Variants in RBFOX1 observed in about 807,000 individuals in gnomAD.
The protein encoded by RBFOX1 is RNA binding protein fox-1 homolog 1.
A neutral mutation model predicts 57.7 loss-of-function variants in RBFOX1; 8 were observed. That is an observed-to-expected ratio of 0.14 (90% CI 0.08 to 0.25). The LOEUF (loss-of-function observed/expected upper bound fraction) is 0.25, where lower values mean the gene tolerates loss of function less well. Ranked by LOEUF, RBFOX1 falls within the 10% of genes least tolerant of loss-of-function variation. The pLI is 1.00. For missense variants in RBFOX1, 611 were observed against 548.5 expected (o/e 1.11, Z -1.14); for synonymous variants, 326 against 222.4 (o/e 1.47, Z -4.15).
intron 4 of RBFOX1, among the ~76,000 whole-genome samples, chr16:7,153,268 T>A (rs540604862): frequency 6.6e-6 from 1 of 152,176 alleles, no homozygotes; most frequent in Non-Finnish European, 1.5e-5. Flanking sequence ...CCTGGAGGCA[T>A]GGGTCAGAAT....
At chr16:7,552,647 C>G (rs1007607589) in intron 5 of RBFOX1, among the ~76,000 whole-genome samples, 4 of 152,074 alleles carry the variant, frequency 2.6e-5, no homozygotes, top group Non-Finnish European at 5.9e-5. Context: ...TTTCCGACAC[C>G]CATTCTTTGT....
chr16:6,906,572 C>T lies in RBFOX1; in HGVS notation c.-15-145485C>T, dbSNP rs181821524. On this transcript the variant is annotated intron_variant, in intron 3 of 15. Transcript: ENST00000550418. The stretch of plus-strand genomic sequence containing the variant: ...GTTTTGTTCTTTGTCAAGTTAAAAA[C>T]AAGGGGTACATCAGTAGTGTTTCCA... Among the ~76,000 whole-genome samples, 141 of 152,174 alleles carry T rather than the reference C, an allele frequency of 9.3e-4. 1 individual carries two copies. Among genetic ancestry groups the T allele is most frequent in the Admixed American group, 3.5e-3 (53 of 15,284 alleles).
At chr16:7,527,537 G>A (rs987349470) in intron 5 of RBFOX1, among the ~76,000 whole-genome samples, 10 of 152,116 alleles carry the variant, frequency 6.6e-5, no homozygotes, top group East Asian at 1.9e-4. Context: ...AAAAAATGGC[G>A]TTGGTTAAAT....
rs13336042 is a variant in RBFOX1 at position 6,290,789 on chromosome 16, T to G, written c.-126-26206T>G. On this transcript the variant is annotated intron_variant, in intron 1 of 15. Transcript: ENST00000550418. ...ACTTTAAAATACATAAGAAACTAAGTAAGTTCTTCTTGATACCAGAAAGGG... is the reference window on the plus strand; with the variant it reads ...ACTTTAAAATACATAAGAAACTAAGGAAGTTCTTCTTGATACCAGAAAGGG... Among the ~76,000 whole-genome samples, 1,222 of 152,286 alleles carry G rather than the reference T, an allele frequency of 8.0e-3. 24 individuals carry two copies. The highest frequency in any genetic ancestry group is 0.028 in the African/African-American group (1,170 of 41,552).
chr16:6,028,236 G>T (rs1691856886), intron 1 of RBFOX1, among the ~76,000 whole-genome samples: 1 of 152,146 alleles, frequency 6.6e-6, no homozygotes, highest in Non-Finnish European at 1.5e-5. Context: ...GGTTGCTGTT[G>T]ATTGCAAAGG....
chr16:6,980,258 CTG>C (rs2088366511), intron 3 of RBFOX1, among the ~76,000 whole-genome samples: 1 of 152,130 alleles, frequency 6.6e-6, no homozygotes, highest in South Asian at 2.1e-4. Flanking sequence ...TACAAATGTG[CTG>C]TGTCAGGTGT....
Position 7,035,859 on chromosome 16 carries a change from C to G in RBFOX1, c.-15-16198C>G, listed in dbSNP as rs544371891. Among the ~76,000 whole-genome samples, 345 of 151,914 alleles carry G rather than the reference C, an allele frequency of 2.3e-3. 2 individuals carry two copies. Among genetic ancestry groups the G allele is most frequent in the African/African-American group, 8.0e-3 (331 of 41,466 alleles). ...GTCTTCCAGCACTCCTTCCATTAAG[C>G]TTTCCAGGAAGAATGTGAACACAGA... On this transcript the variant is annotated intron_variant, in intron 3 of 15. Coordinates refer to ENST00000550418, the MANE Select transcript of RBFOX1 (RefSeq NM_018723.4).
At chr16:5,428,560 G>A (rs759435175) in intron 1 of RBFOX1, among the ~76,000 whole-genome samples, 6 of 152,138 alleles carry the variant, frequency 3.9e-5, no homozygotes, top group Non-Finnish European at 8.8e-5. Flanking sequence ...TGAGCACCAC[G>A]GAGACAAACA....
intron 4 of RBFOX1, among the ~76,000 whole-genome samples, chr16:7,302,702 C>G (rs1410425293): frequency 6.7e-6 from 1 of 148,560 alleles, no homozygotes; most frequent in Non-Finnish European, 1.5e-5. Flanking sequence ...GCTACTCTTC[C>G]TGATCACGAT....
intron 1 of RBFOX1, among the ~76,000 whole-genome samples, chr16:6,257,419 C>CT (rs1463312843): frequency 1.1e-3 from 160 of 150,650 alleles, no homozygotes; most frequent in Admixed American, 1.8e-3. Flanking sequence ...ATTTCTTCTT[C>CT]TTCTTTTTTT....
chr16:6,092,497 A>G (rs567620072), intron 1 of RBFOX1: 161 of 152,340 alleles, frequency 1.1e-3, no homozygotes, highest in African/African-American at 3.8e-3. Flanking sequence ...AGACATCTTC[A>G]CGTGCTTCGT....
At chr16:6,821,407 C>T (rs2091276042) in intron 3 of RBFOX1, among the ~76,000 whole-genome samples, 1 of 152,182 alleles carries the variant, frequency 6.6e-6, no homozygotes, top group African/African-American at 2.4e-5. Flanking sequence ...GTGTATTCCA[C>T]ATAACTGATA....
chr16:5,859,731 T>A (rs954900354), intron 3 of RBFOX1, among the ~76,000 whole-genome samples: 10 of 152,232 alleles, frequency 6.6e-5, no homozygotes, highest in African/African-American at 2.4e-4. Flanking sequence ...AAATGCTATT[T>A]CCATTTTACA....
In RBFOX1 at chr16:7,080,757, C is replaced by G. The variant is rs553277291; in HGVS notation, c.27+28659C>G. ...AATAGTTCAACCCTCTCCATCTCTC[C>G]TCTTGCAAGGTATCATCATCATTCA... On this transcript the variant is annotated intron_variant, in intron 4 of 15. Transcript: ENST00000550418. 5.9e-5 allele frequency among the ~76,000 whole-genome samples: 9 copies of G among 152,326 alleles called. No homozygotes were observed. In the East Asian group the frequency reaches 1.2e-3, roughly 20 times the overall value.
intron 4 of RBFOX1, among the ~76,000 whole-genome samples, chr16:5,978,894 G>T (rs1335337162): frequency 6.6e-6 from 1 of 152,124 alleles, no homozygotes; most frequent in Non-Finnish European, 1.5e-5. Context: ...TGCCCACTTT[G>T]GTGGGCTGAG....
chr16:6,222,500 G>C (rs1209561267), intron 1 of RBFOX1, among the ~76,000 whole-genome samples: 1 of 151,610 alleles, frequency 6.6e-6, no homozygotes, highest in Admixed American at 6.6e-5. Flanking sequence ...ATGTCAGGAG[G>C]ATTGCAGATA....
intron 3 of RBFOX1, among the ~76,000 whole-genome samples, chr16:5,624,024 A>C (rs1056544738): frequency 6.6e-6 from 1 of 152,242 alleles, no homozygotes; most frequent in Non-Finnish European, 1.5e-5. Flanking sequence ...TGATCCTTAC[A>C]GAACTGAGAA....
chr16:5,284,893 G>C (rs11643309), intron 1 of RBFOX1, among the ~76,000 whole-genome samples: 2 of 149,426 alleles, frequency 1.3e-5, no homozygotes, highest in East Asian at 4.0e-4. Context: ...GCTGTTTTTA[G>C]AATTTTCTCT....
intron 3 of RBFOX1, among the ~76,000 whole-genome samples, chr16:6,926,109 C>T (rs888989659): frequency 6.6e-6 from 1 of 151,852 alleles, no homozygotes; most frequent in Non-Finnish European, 1.5e-5. Context: ...AGTTCAAGAC[C>T]AGCCTGGCCA....
Sources: gnomAD v4.1 joint callset for allele counts (sites outside exome capture counted in the v4.1 genomes callset) on GRCh38, gnomAD v4.1.1 for gene constraint, MANE v1.5 for transcripts, NCBI Gene and HGNC (gene_info 2026-07-23, HGNC 2026-07-21) for gene names.